Variants in DAB1 observed in about 807,000 individuals in gnomAD.
DAB1 encodes the protein DAB adaptor protein 1.
In DAB1, 15 loss-of-function variants were observed where a neutral mutation model predicts 64.6. The observed-to-expected ratio is 0.23, with a 90% CI of 0.16 to 0.36. DAB1 has a LOEUF of 0.36. Ranked by LOEUF, DAB1 falls within the 10% of genes least tolerant of loss-of-function variation. The pLI is 1.00. For missense variants in DAB1, 596 were observed against 706.7 expected (o/e 0.84, Z 1.78); for synonymous variants, 235 against 251.9 (o/e 0.93, Z 0.64).
chr1:58,087,514 A>T (rs1650391237), intron 5 of DAB1, among the ~76,000 whole-genome samples: 1 of 152,196 alleles, frequency 6.6e-6, no homozygotes, highest in African/African-American at 2.4e-5. Context: ...TTGATCTGAT[A>T]TAGGGACTCA....
intron 5 of DAB1, among the ~76,000 whole-genome samples, chr1:57,925,987 T>C (rs190196958): frequency 6.6e-6 from 1 of 152,220 alleles, no homozygotes; most frequent in African/African-American, 2.4e-5. Context: ...ATATGGGAGG[T>C]CCATTTCTGC....
At chr1:58,321,830 G>A (rs371771811) in intron 4 of DAB1, among the ~76,000 whole-genome samples, 2 of 152,262 alleles carry the variant, frequency 1.3e-5, no homozygotes, top group Non-Finnish European at 2.9e-5. Flanking sequence ...ACCCCTGGGG[G>A]CAGGGCATAG....
At chr1:57,118,881 G>C (rs984779451) in intron 4 of DAB1, among the ~76,000 whole-genome samples, 4 of 152,144 alleles carry the variant, frequency 2.6e-5, no homozygotes, top group Non-Finnish European at 5.9e-5. Context: ...TAATATGCTT[G>C]AGATAACATG....
intron 7 of DAB1, among the ~76,000 whole-genome samples, chr1:57,606,374 T>A (rs1394340937): frequency 6.4e-5 from 1 of 15,618 alleles, no homozygotes; most frequent in Non-Finnish European, 2.0e-4. Context: ...TCCATTCTAA[T>A]CCTATATATA....
intron 5 of DAB1, among the ~76,000 whole-genome samples, chr1:57,984,832 G>C (rs1387597132): frequency 6.6e-6 from 1 of 152,132 alleles, no homozygotes; most frequent in African/African-American, 2.4e-5. Flanking sequence ...GTTCAATAAA[G>C]GGGCTTTGGA....
chr1:57,161,764 C>T (rs1055146662), intron 2 of DAB1, among the ~76,000 whole-genome samples: 1 of 151,928 alleles, frequency 6.6e-6, no homozygotes, highest in African/African-American at 2.4e-5. Context: ...ACCCATAACA[C>T]CACCCAGGTA....
Position 57,007,176 on chromosome 1 carries a change from A to T in DAB1, c.*15+3504T>A, listed in dbSNP as rs188732206. On this transcript the variant is annotated intron_variant, in intron 14 of 14. Coordinates refer to ENST00000371236, the MANE Select transcript of DAB1 (RefSeq NM_001365792.1). ...CCCACCACGAAGATCAGTATTAAAA[A>T]ATGACAGCAACTTATTATTTATGGC... 9.8e-4 allele frequency among the ~76,000 whole-genome samples: 149 copies of T among 152,342 alleles called. 1 individual carries two copies. Among genetic ancestry groups the T allele is most frequent in the African/African-American group, 3.3e-3 (139 of 41,570 alleles).
rs201662596 is a variant in DAB1, at chr1:58,485,225, T to C, written n.257+20835A>G. Among the ~76,000 whole-genome samples, 111 of 25,064 alleles carry C rather than the reference T, an allele frequency of 4.4e-3. 6 individuals are homozygous for C. In the East Asian group the frequency reaches 0.11, roughly 25 times the overall value. The allele number at this position is 25,064 out of a possible 152,430, so 16.4% of individuals were successfully genotyped here. A position where few individuals can be genotyped will look rare whatever the true frequency, so the allele number is the denominator to read the frequency against. ...AGAGTCTAAAAATAAAAGAGTCTACTACTAAAAAAAAAAAAAAAAAAAAAA... is the reference window on the plus strand; with the variant it reads ...AGAGTCTAAAAATAAAAGAGTCTACCACTAAAAAAAAAAAAAAAAAAAAAA... On this transcript the variant is annotated intron_variant and non_coding_transcript_variant, in intron 3 of 20. Transcript: ENST00000485760.
intron 5 of DAB1, among the ~76,000 whole-genome samples, chr1:58,047,259 A>C (rs1376623137): frequency 1.3e-5 from 2 of 152,236 alleles, no homozygotes; most frequent in African/African-American, 4.8e-5. Flanking sequence ...AGGTGAAATG[A>C]ATTTTAATAA....
intron 4 of DAB1, among the ~76,000 whole-genome samples, chr1:58,168,632 C>G (rs577686876): frequency 6.6e-6 from 1 of 152,186 alleles, no homozygotes; most frequent in South Asian, 2.1e-4. Context: ...GGGGAGACTA[C>G]CTGGAATTTT....
chr1:57,121,082 A>T (rs1057513917), intron 4 of DAB1, among the ~76,000 whole-genome samples: 1 of 151,644 alleles, frequency 6.6e-6, no homozygotes, highest in Non-Finnish European at 1.5e-5. Flanking sequence ...ACAGGAGAAG[A>T]ATGTCCTAAG....
Position 58,123,830 on chromosome 1 carries a change from A to G in DAB1, n.387+26681T>C, listed in dbSNP as rs1297992532. Among the ~76,000 whole-genome samples, 7 of 152,328 alleles carry G rather than the reference A, an allele frequency of 4.6e-5. 2 individuals are homozygous for G. Among genetic ancestry groups the G allele is most frequent in the Admixed American group, 4.6e-4 (7 of 15,296 alleles). On this transcript the variant is annotated intron_variant and non_coding_transcript_variant, in intron 5 of 20. Transcript: ENST00000485760. ...AGACTCTGTGCCCAGTACTGAGCAA[A>G]GGGAAATAATCATTTATAAGACTCA...
intron 7 of DAB1, among the ~76,000 whole-genome samples, chr1:57,580,183 G>A (rs1645296514): frequency 1.3e-5 from 2 of 152,150 alleles, no homozygotes; most frequent in African/African-American, 4.8e-5. Context: ...GGTTGGGATT[G>A]CAGACTTCAT....
chr1:58,042,631 C>T (rs1273747732), intron 5 of DAB1, among the ~76,000 whole-genome samples: 1 of 152,132 alleles, frequency 6.6e-6, no homozygotes, highest in Non-Finnish European at 1.5e-5. Flanking sequence ...ATAGATACTG[C>T]TTGGGACAGA....
At chr1:57,892,010 A>G (rs1644322640) in intron 5 of DAB1, among the ~76,000 whole-genome samples, 1 of 152,136 alleles carries the variant, frequency 6.6e-6, no homozygotes, top group Admixed American at 6.6e-5. Context: ...AAACAAAACA[A>G]AATACATATG....
At chr1:58,027,484 T>A (rs886266516) in intron 5 of DAB1, among the ~76,000 whole-genome samples, 8 of 152,208 alleles carry the variant, frequency 5.3e-5, no homozygotes, top group African/African-American at 1.7e-4. Context: ...TGTCCTCACC[T>A]AGATAAATAA....
intron 3 of DAB1, among the ~76,000 whole-genome samples, chr1:58,497,648 G>C (rs1645825503): frequency 6.6e-6 from 1 of 152,130 alleles, no homozygotes. Context: ...AGAGAAATAT[G>C]TATCTACGAA....
At chr1:57,752,320 C>T (rs1372852552) in intron 6 of DAB1, among the ~76,000 whole-genome samples, 1 of 152,286 alleles carries the variant, frequency 6.6e-6, no homozygotes, top group Middle Eastern at 3.4e-3. Context: ...CCCATATATA[C>T]ACCTGTCAAG....
chr1:57,745,086 C>A (rs1215607484), intron 6 of DAB1, among the ~76,000 whole-genome samples: 2 of 152,090 alleles, frequency 1.3e-5, no homozygotes, highest in African/African-American at 4.8e-5. Context: ...TGACCTTGGG[C>A]AAATTACTGA....
Sources: allele counts gnomAD v4.1 joint callset (sites outside exome capture counted in the v4.1 genomes callset), GRCh38; gene constraint gnomAD v4.1.1; transcripts MANE v1.5; gene names NCBI Gene and HGNC (gene_info 2026-07-23, HGNC 2026-07-21).